The following WNK1 variants were observed in gnomAD, a reference collection of about 807,000 sequenced individuals.
WNK1 encodes the protein serine/threonine-protein kinase WNK1.
In WNK1, 38 loss-of-function variants were observed where a neutral mutation model predicts 222.8. The ratio of observed to expected loss-of-function variants is 0.17; its 90% CI spans 0.13 to 0.22. The LOEUF is 0.22. WNK1 is among the 10% of genes least tolerant of loss of function. The probability of loss-of-function intolerance (pLI) is 1.00; values close to 1 mark genes in which losing one functional copy is unlikely to be tolerated. For synonymous variants in WNK1, 1,090 were observed against 1,092.9 expected, an observed-to-expected ratio of 1.00 and a Z score of 0.05; for missense variants, 2,348 against 2,918.4, an observed-to-expected ratio of 0.80 and a Z score of 4.50.
At chr12:757,776 G>A (rs1940350516) in intron 1 of WNK1, among the ~76,000 whole-genome samples, 1 of 147,148 alleles carries the variant, frequency 6.8e-6, no homozygotes. Context: ...GGTGGCTCAC[G>A]CCTGTAATCC....
intron 26 of WNK1, 189 bp from the exon 27 acceptor site, chr12:907,658 G>A: frequency 1.4e-6 from 1 of 716,708 alleles, no homozygotes; most frequent in South Asian, 1.6e-5. Context: ...AAGAGAAACT[G>A]TTTTCATCAC....
intron 4 of WNK1, among the ~76,000 whole-genome samples, chr12:844,308 A>G (rs145790669): frequency 1.8e-4 from 28 of 151,800 alleles, no homozygotes; most frequent in Admixed American, 1.6e-3. Flanking sequence ...GCTAACATGT[A>G]TTTTCTGGTA....
At chr12:844,772 G>T (rs1417155829) in intron 4 of WNK1, among the ~76,000 whole-genome samples, 1 of 151,698 alleles carries the variant, frequency 6.6e-6, no homozygotes, top group Non-Finnish European at 1.5e-5. Context: ...CTTATGTTTT[G>T]GGTGCTGAGA....
intron 1 of WNK1, among the ~76,000 whole-genome samples, chr12:790,210 G>A (rs1015731913): frequency 2.0e-5 from 3 of 152,172 alleles, no homozygotes; most frequent in African/African-American, 7.2e-5. Flanking sequence ...AGAATAGAAG[G>A]AAATGACTTT....
At chr12:814,712 A>G (rs543051129) in intron 2 of WNK1, among the ~76,000 whole-genome samples, 2 of 152,308 alleles carry the variant, frequency 1.3e-5, no homozygotes, top group African/African-American at 4.8e-5. Context: ...GATTGGTTTC[A>G]TGGAAGACAG....
chr12:794,431 A>C (rs1206466511), intron 1 of WNK1, among the ~76,000 whole-genome samples: 2 of 151,838 alleles, frequency 1.3e-5, no homozygotes, highest in Admixed American at 6.6e-5. Context: ...GGTTAAGCAT[A>C]ATGTTAGCTG....
chr12:889,125 A>G lies in WNK1; in HGVS notation c.5365-15A>G. 6.2e-7 allele frequency: 1 copy of G among 1,611,814 alleles called. No homozygotes were observed. The highest frequency in any genetic ancestry group is 8.5e-7 in the Non-Finnish European group (1 of 1,177,916). ...GTGCCACGGAACTGTATTTACTGTG[A>G]TTGTTTTCATTCAGTCCCAGCAACC... On this transcript the variant is annotated splice_polypyrimidine_tract_variant and intron_variant, in intron 20 of 27. Coordinates refer to ENST00000315939, the MANE Select transcript of WNK1 (RefSeq NM_018979.4).
chr12:851,202 A>G (rs1950395284), intron 4 of WNK1, among the ~76,000 whole-genome samples: 1 of 152,192 alleles, frequency 6.6e-6, no homozygotes, highest in Admixed American at 6.5e-5. Context: ...TTGGCTACAT[A>G]TTCTGAGTTT....
rs751181069 is a variant in WNK1, at chr12:753,743, A to C, written c.178A>C (p.Thr60Pro). ...CGAGGAGTACAGGCGCCGCCGCCAC[A>C]CTATGGACAAGGACAGCCGTGGGGC... ...RTEEYRRRRH[T>P]MDKDSRGAAA... Residue 60 changes from threonine to proline, a missense_variant, in exon 1 of 28, where the codon ACT (threonine) becomes CCT (proline). Physicochemically the swap from Thr to Pro is conservative, Grantham distance 38 (BLOSUM62 -1). Transcript: ENST00000315939. The surrounding 1 kb of genome is among the most constrained non-coding windows in gnomAD (Gnocchi z 5.2). 6.2e-7 allele frequency: 1 copy of C among 1,612,292 alleles called. No homozygotes were observed. Among genetic ancestry groups the C allele is most frequent in the South Asian group, 1.1e-5 (1 of 91,078 alleles).
At chr12:880,225 T>G (rs2154080780) in intron 11 of WNK1, among the ~76,000 whole-genome samples, 194 bp downstream of exon 11, 1 of 152,332 alleles carries the variant, frequency 6.6e-6, no homozygotes, top group Admixed American at 6.5e-5. Context: ...CTCAAGACAC[T>G]TCTTCAGAGA....
At chr12:776,032 CTG>C (rs1943045473) in intron 1 of WNK1, among the ~76,000 whole-genome samples, 1 of 152,146 alleles carries the variant, frequency 6.6e-6, no homozygotes. Context: ...CTCAGGTTGT[CTG>C]TGACCCCAAA....
intron 4 of WNK1, among the ~76,000 whole-genome samples, chr12:831,104 T>TG (rs1948755632): frequency 6.6e-6 from 1 of 152,200 alleles, no homozygotes; most frequent in Non-Finnish European, 1.5e-5. Context: ...TTAAAATGGT[T>TG]GGGGTAGGTT....
intron 1 of WNK1, among the ~76,000 whole-genome samples, chr12:775,336 C>A (rs1245937418): frequency 2.6e-5 from 4 of 152,100 alleles, no homozygotes; most frequent in Admixed American, 2.6e-4. Flanking sequence ...TTTCTTGTAA[C>A]ACAAATGAGT....
chr12:763,563 T>C (rs1941310528), intron 1 of WNK1, among the ~76,000 whole-genome samples: 1 of 143,176 alleles, frequency 7.0e-6, no homozygotes, highest in Non-Finnish European at 1.6e-5. Flanking sequence ...CACTCCAGCC[T>C]GGGCGACAAG....
intron 9 of WNK1, among the ~76,000 whole-genome samples, chr12:874,095 A>G (rs1952402972): frequency 6.6e-6 from 1 of 151,978 alleles, no homozygotes; most frequent in Non-Finnish European, 1.5e-5. Flanking sequence ...GTTCAAGGCT[A>G]CAGTGAACTA....
At chr12:895,250 T>G (rs1278248793) in intron 23 of WNK1, among the ~76,000 whole-genome samples, 2 of 152,174 alleles carry the variant, frequency 1.3e-5, no homozygotes, top group African/African-American at 2.4e-5. Flanking sequence ...ATAGGTGGGC[T>G]GAGTTTGTAT....
chr12:786,816 T>TA (rs1208573216), intron 1 of WNK1, among the ~76,000 whole-genome samples: 1 of 152,330 alleles, frequency 6.6e-6, no homozygotes, highest in African/African-American at 2.4e-5. Flanking sequence ...TTCTTATAAA[T>TA]AAACAGTGTT....
chr12:781,098 G>A (rs868403270), intron 1 of WNK1: 24 of 120,194 alleles, frequency 2.0e-4, no homozygotes, highest in South Asian at 1.7e-3. Context: ...GTTTTATTTC[G>A]TTAACAACAA....
chr12:859,763 A>G (rs1260363073), intron 6 of WNK1, among the ~76,000 whole-genome samples: 1 of 150,012 alleles, frequency 6.7e-6, no homozygotes, highest in Non-Finnish European at 1.5e-5. Context: ...ACCAGGCTGG[A>G]GTGCAGTGGC....
Sources: gnomAD v4.1 joint callset for allele counts (sites outside exome capture counted in the v4.1 genomes callset) on GRCh38, gnomAD v4.1.1 for gene constraint, Gnocchi (gnomAD v3.1) non-coding constraint, MANE v1.5 for transcripts, NCBI Gene and HGNC (gene_info 2026-07-23, HGNC 2026-07-21) for gene names.